CYP4A11: variants seen among roughly 807,000 people sequenced by gnomAD.
CYP4A11 encodes cytochrome P450 4A11.
A neutral mutation model predicts 57.7 loss-of-function variants in CYP4A11; 52 were observed. The observed-to-expected ratio is 0.90, with a 90% CI of 0.72 to 1.14. CYP4A11 has a LOEUF of 1.14. Ranked by LOEUF, CYP4A11 falls within the 50% of genes most tolerant of loss-of-function variation. The pLI, the probability that CYP4A11 is intolerant of heterozygous loss-of-function variation, is 0.00. For synonymous variants in CYP4A11, 228 were observed against 247.1 expected (o/e 0.92, Z 0.72); for missense variants, 641 against 642.1 (o/e 1.00, Z 0.02).
At position 46,937,808 on chromosome 1, in the gene CYP4A11, T is replaced by C. The variant is rs374033529; in HGVS notation, c.337+188A>G. ...GAATAGAAAATTCAGCCCCACATAT[T>C]GTTTTAAACATTCGGAGTTCAGTAA... On this transcript the variant is annotated intron_variant, in intron 2 of 11. Coordinates refer to ENST00000310638, the MANE Select transcript of CYP4A11 (RefSeq NM_000778.4). Among the ~76,000 whole-genome samples, 38 of 152,344 alleles carry C rather than the reference T, an allele frequency of 2.5e-4. No individual in the cohort carries two copies. The Middle Eastern group carries it at 0.01, about 41-fold the overall frequency.
Position 46,935,631 on chromosome 1 carries a change from A to G in CYP4A11, c.527T>C (p.Leu176Pro). 1.2e-6 allele frequency: 2 copies of G among 1,613,696 alleles called. No homozygotes were observed. Among genetic ancestry groups the G allele is most frequent in the Non-Finnish European group, 1.7e-6 (2 of 1,179,732 alleles). Residue 176 changes from leucine to proline, a missense_variant, in exon 5 of 12, where the codon CTC becomes CCC. By Grantham distance (98) the Leu-to-Pro change is moderately conservative (BLOSUM62 -3). Coordinates refer to ENST00000310638, the MANE Select transcript of CYP4A11 (RefSeq NM_000778.4). ...CTCCAGAGGGGAATCCTGGCCAAGG[A>G]GCTCTTCCCATTTGTCCTGTGGTGG... ...VRVMLDKWEE[L>P]LGQDSPLEVF...
At position 46,929,251 on chromosome 1, in the gene CYP4A11, GGAA is replaced by G. The variant is rs1223532270; in HGVS notation, c.*861_*863del. 6.6e-6 allele frequency: 1 copy of G among 152,200 alleles called. No individual in the cohort carries two copies. The highest frequency in any genetic ancestry group is 1.9e-4 in the East Asian group (1 of 5,174). The allele number at this position is 152,200 out of a possible 1,614,324, so 9.4% of individuals were successfully genotyped here. A position where few individuals can be genotyped will look rare whatever the true frequency, so the allele number is the denominator to read the frequency against. ...TAATATAGGAACAGACAAGCAGGCA[GGAA>G]GAAGGAGACAGGTGTATGGGCAGAC... On this transcript the variant is annotated 3_prime_UTR_variant, in exon 12 of 12. Transcript: ENST00000310638.
In CYP4A11 at chr1:46,935,063, A is replaced by G. The variant is rs1200057250; in HGVS notation, c.727T>C (p.Tyr243His). The G allele has an allele frequency of 1.2e-6, 2 of 1,614,066 alleles. No homozygotes were observed. Among genetic ancestry groups the G allele is most frequent in the African/African-American group, 2.7e-5 (2 of 74,918 alleles). ...CAGCGGCCAGCAGAGGTCAGGCTGTAGATGGTGTCATTCTGGTGAAAGGCA... is the reference window on the plus strand; with the variant it reads ...CAGCGGCCAGCAGAGGTCAGGCTGTGGATGGTGTCATTCTGGTGAAAGGCA... ...RNAFHQNDTI[Y>H]SLTSAGRWTH... is the part of the protein sequence containing the mutation. Residue 243 changes from tyrosine to histidine, a missense_variant, in exon 6 of 12, where the codon TAC (tyrosine) becomes CAC (histidine). By Grantham distance (83) the Tyr-to-His change is moderately conservative. Coordinates refer to ENST00000310638, the MANE Select transcript of CYP4A11 (RefSeq NM_000778.4).
rs1557549101 is a variant in CYP4A11, at chr1:46,932,826, A to G, written c.1299T>C (p.Pro433=). 6.2e-7 allele frequency: 1 copy of G among 1,614,228 alleles called. No homozygotes were observed. The highest frequency in any genetic ancestry group is 8.5e-7 in the Non-Finnish European group (1 of 1,180,028). The change falls in exon 11 of 12, where the codon CCT becomes CCC. Residue 433 remains proline, a synonymous_variant. Transcript: ENST00000310638. ...KVWPNPEVFD[P]FRFAPGSAQH... ...GAGCAGAACCCGGTGCAAAACGGAA[A>G]GGGTCAAACACCTGCAGAGAGAGCA...
intron 11 of CYP4A11, among the ~76,000 whole-genome samples, chr1:46,931,082 G>A (rs1680998170): frequency 6.6e-6 from 1 of 152,190 alleles, no homozygotes; most frequent in Admixed American, 6.5e-5. Flanking sequence ...GCATCCCAAT[G>A]CCTCAGCTGG....
chr1:46,939,282 A>G (rs1469841979), intron 1 of CYP4A11, among the ~76,000 whole-genome samples: 2 of 152,220 alleles, frequency 1.3e-5, no homozygotes, highest in Non-Finnish European at 2.9e-5. Context: ...CATTCAGCCC[A>G]TGCTTACTGC....
In CYP4A11 at chr1:46,937,330, A is replaced by G; in HGVS notation, c.354T>C (p.Gly118=). The G allele has an allele frequency of 6.2e-7, 1 of 1,614,122 alleles. No individual in the cohort carries two copies. The highest frequency in any genetic ancestry group is 8.5e-7 in the Non-Finnish European group (1 of 1,179,976). Residue 118 remains glycine (G), a synonymous_variant, in exon 3 of 12, where the codon GGT becomes GGC. Transcript: ENST00000310638. Reference sequence around the variant, plus strand: ...TCCATGGAGCCAGGAATCTGTAGGAACCATGGGATTTCGGGTCTGAAAGGC... The same window carrying G: ...TCCATGGAGCCAGGAATCTGTAGGAGCCATGGGATTTCGGGTCTGAAAGGC... ...ILGRSDPKSH[G]SYRFLAPWIG...
Position 46,930,098 on chromosome 1 carries a change from A to G in CYP4A11, c.*17T>C. 8.1e-6 allele frequency: 13 copies of G among 1,598,516 alleles called. No individual in the cohort carries two copies. The highest frequency in any genetic ancestry group is 1.1e-5 in the Non-Finnish European group (13 of 1,170,528). On this transcript the variant is annotated 3_prime_UTR_variant, in exon 12 of 12. Transcript: ENST00000310638. ...CAGAAGCGGGGGTCAGGAAGACAGGACGGCAGGTGGAGGCCCTCAAAGCTG... is the reference window on the plus strand; with the variant it reads ...CAGAAGCGGGGGTCAGGAAGACAGGGCGGCAGGTGGAGGCCCTCAAAGCTG...
rs1681736032 is a variant in CYP4A11 at position 46,941,293 on chromosome 1, G to A, written c.141C>T (p.Ala47=). The A allele has an allele frequency of 4.3e-6, 7 of 1,614,152 alleles. No individual in the cohort carries two copies. Among genetic ancestry groups the A allele is most frequent in the Non-Finnish European group, 5.9e-6 (7 of 1,180,016 alleles). Residue 47 remains alanine (A), a synonymous_variant, in exon 1 of 12, where the codon GCC becomes GCT. Coordinates refer to ENST00000310638, the MANE Select transcript of CYP4A11 (RefSeq NM_000778.4). ...AGGGAGGGCACGGGAACTGCTGGAG[G>A]GCTTTGAGCAGCCACTGCCTGTGCA... ...LYLHRQWLLK[A]LQQFPCPPSH... is the part of the protein sequence containing the mutation.
rs1014674360 is a variant in CYP4A11 at position 46,933,018 on chromosome 1, G to T, written c.1252C>A (p.Leu418Ile). The change falls in exon 10 of 12, where the codon CTT (leucine) becomes ATT (isoleucine). Residue 418 changes from leucine (L) to isoleucine (I), a missense_variant. Transcript: ENST00000310638. ...GIMVLLSIYGLHHNPKVWPNP... is the reference protein window; with the variant it reads ...GIMVLLSIYGIHHNPKVWPNP... ...GGCCACACTTTTGGGTTGTGGTGAA[G>T]GCCATAAATGGAGAGGAGGACCATG... 3 of 1,614,024 alleles carry T rather than the reference G, an allele frequency of 1.9e-6. No individual in the cohort carries two copies. The highest frequency in any genetic ancestry group is 1.3e-5 in the African/African-American group (1 of 74,920).
intron 11 of CYP4A11, 57 bp downstream of exon 11, chr1:46,932,704 G>A: frequency 6.2e-7 from 1 of 1,614,000 alleles, no homozygotes; most frequent in Non-Finnish European, 8.5e-7. Context: ...AAGATCAGAG[G>A]GTTGACCAGA....
intron 2 of CYP4A11, among the ~76,000 whole-genome samples, 183 bp downstream of exon 2, chr1:46,937,813 T>A (rs1305935583): frequency 1.3e-5 from 2 of 152,210 alleles, no homozygotes; most frequent in Non-Finnish European, 2.9e-5. Flanking sequence ...CATATTGTTT[T>A]AAACATTCGG....
At chr1:46,936,599 G>C (rs1013758303) in intron 4 of CYP4A11, 65 bp downstream of exon 4, 102 of 1,509,494 alleles carry the variant, frequency 6.8e-5, no homozygotes, top group Non-Finnish European at 8.5e-5. Flanking sequence ...ACAGGGTTGA[G>C]AGTGGAGTTG....
chr1:46,937,135 T>C (rs1213774563), intron 3 of CYP4A11, among the ~76,000 whole-genome samples, 167 bp downstream of exon 3: 2 of 152,158 alleles, frequency 1.3e-5, no homozygotes, highest in Non-Finnish European at 2.9e-5. Context: ...GGAAGGTTTG[T>C]ACCAGCATTA....
chr1:46,930,150 G>A lies in CYP4A11; in HGVS notation c.1525C>T (p.Leu509Phe), dbSNP rs149532035. ...KNGIHLRLRRLPNPCEDKDQL is the reference protein window; with the variant it reads ...KNGIHLRLRRFPNPCEDKDQL ...TCCTTGTCTTCACAAGGGTTAGGGA[G>A]CCTCCTGAGACGCAGGTGGATTCCA... is the stretch of plus-strand genomic sequence containing the variant. Residue 509 changes from leucine (L) to phenylalanine (F), a missense_variant, in exon 12 of 12, where the codon CTC becomes TTC. By Grantham distance (22) the Leu-to-Phe change is conservative. Coordinates refer to ENST00000310638, the MANE Select transcript of CYP4A11 (RefSeq NM_000778.4). 70 of 1,613,192 alleles carry A rather than the reference G, an allele frequency of 4.3e-5. No individual in the cohort carries two copies. The South Asian group carries it at 4.5e-4, about 10-fold the overall frequency.
chr1:46,934,392 G>C (rs765511331), intron 7 of CYP4A11, 26 bp from the exon 8 acceptor site: 2 of 1,541,698 alleles, frequency 1.3e-6, no homozygotes, highest in Non-Finnish European at 1.8e-6. Flanking sequence ...TGAAAATGCA[G>C]GGCTTGTCTC....
intron 2 of CYP4A11, among the ~76,000 whole-genome samples, chr1:46,937,664 AC>A (rs1681496990): frequency 6.6e-6 from 1 of 152,254 alleles, no homozygotes; most frequent in Non-Finnish European, 1.5e-5. Flanking sequence ...CCTGACCAAG[AC>A]AGGCAACAAT....
At chr1:46,937,950 TC>T (rs1681515502) in intron 2 of CYP4A11, 45 bp downstream of exon 2, 1 of 1,609,832 alleles carries the variant, frequency 6.2e-7, no homozygotes, top group African/African-American at 1.3e-5. Context: ...GGAGCATGTG[TC>T]AAGAGGGAAG....
At chr1:46,932,154 T>G (rs925885542) in intron 11 of CYP4A11, 21 of 986,250 alleles carry the variant, frequency 2.1e-5, no homozygotes, top group East Asian at 1.1e-4. Context: ...CAGTAAAAAT[T>G]TCATTGGGCA....
Sources: allele counts gnomAD v4.1 joint callset (sites outside exome capture counted in the v4.1 genomes callset), GRCh38; gene constraint gnomAD v4.1.1; transcripts MANE v1.5; gene names NCBI Gene and HGNC (gene_info 2026-07-23, HGNC 2026-07-21).